The following TTN variants were observed in gnomAD, a reference collection of about 807,000 sequenced individuals.
The protein encoded by TTN is connectin.
Under a neutral mutation model 3,223.0 loss-of-function variants are expected in TTN, and 1,525 were observed. That is an observed-to-expected ratio of 0.47 (90% CI 0.45 to 0.49). The LOEUF (loss-of-function observed/expected upper bound fraction) is 0.49, where lower values mean the gene tolerates loss of function less well. Ranked by LOEUF, TTN falls within the 20% of genes least tolerant of loss-of-function variation. The pLI, the probability that TTN is intolerant of heterozygous loss-of-function variation, is 0.00. For synonymous variants in TTN, 14,094 were observed against 15,161.0 expected (o/e 0.93, Z 5.17); for missense variants, 40,786 against 43,424.0 (o/e 0.94, Z 5.40).
In TTN at chr2:178,571,464, C is replaced by T; in HGVS notation, c.74668G>A (p.Gly24890Arg). The T allele has an allele frequency of 1.2e-6, 2 of 1,613,384 alleles. No homozygotes were observed. Among genetic ancestry groups the T allele is most frequent in the East Asian group, 2.2e-5 (1 of 44,714 alleles). ...TCTGAATTGAGGTAGGTACTCTTCC[C>T]ATATCTGTTTTCAGCTGCAATTCTA... ...QFRIAAENRY[G>R]KSTYLNSEPT... is the part of the protein sequence containing the mutation. Residue 24890 changes from glycine to arginine, a missense_variant, in exon 326 of 363, where the codon GGG becomes AGG. Gly to Arg is a moderately radical substitution (Grantham distance 125). Transcript: ENST00000589042.
Position 178,621,897 on chromosome 2 carries a change from C to T in TTN, c.45025G>A (p.Ala15009Thr), listed in dbSNP as rs1196708589. The change falls in exon 244 of 363, where the codon GCT becomes ACT. Residue 15009 changes from alanine to threonine, a missense_variant. Transcript: ENST00000589042. ...GTCCTTACTTCACAGGAATATTCAG[C>T]TTCATCATCCAGTAGACATTTGTTG... ...VINKCLLDDEAEYSCEVRTAR... is the reference protein window; with the variant it reads ...VINKCLLDDETEYSCEVRTAR... 6.2e-7 allele frequency: 1 copy of T among 1,612,118 alleles called. No individual in the cohort carries two copies. The highest frequency in any genetic ancestry group is 1.1e-5 in the South Asian group (1 of 91,024).
At chr2:178,664,981 G>A (rs1423819849) in intron 165 of TTN, 55 bp from the exon 166 acceptor site, 4 of 1,535,216 alleles carry the variant, frequency 2.6e-6, no homozygotes, top group East Asian at 4.7e-5. Flanking sequence ...ATGGAAAACA[G>A]TAACCACAAT....
In TTN at chr2:178,531,049, G is replaced by C; in HGVS notation, c.105566C>G (p.Ser35189Cys). The change falls in exon 358 of 363, where the codon TCT (serine) becomes TGT (cysteine). Residue 35189 changes from serine to cysteine, a missense_variant. Transcript: ENST00000589042. ...TTKYKSTFEI[S>C]SVQASDEGNY... ...GCCCTCATCGGAAGCCTGGACTGAA[G>C]AGATCTCAAAGGTTGATTTGTACTT... 1.2e-6 allele frequency: 2 copies of C among 1,613,996 alleles called. No homozygotes were observed. Among genetic ancestry groups the C allele is most frequent in the Non-Finnish European group, 1.7e-6 (2 of 1,179,886 alleles).
intron 250 of TTN, chr2:178,619,132 A>G: frequency 2.2e-6 from 1 of 462,906 alleles, no homozygotes; most frequent in Non-Finnish European, 3.8e-6. Flanking sequence ...GTGTAGTGCA[A>G]AACATGTTTT....
At position 178,570,028 on chromosome 2, in the gene TTN, T is replaced by C; in HGVS notation, c.76104A>G (p.Gly25368=). ...LIGELRLRVT[G]LIENHDYEFR... ...ACTCATAATCGTGATTTTCTATGAGTCCAGTTACTCTCAGGCGCAACTCTC... is the reference window on the plus strand; with the variant it reads ...ACTCATAATCGTGATTTTCTATGAGCCCAGTTACTCTCAGGCGCAACTCTC... Residue 25368 remains glycine (G), a synonymous_variant, in exon 326 of 363, where the codon GGA becomes GGG. Coordinates refer to ENST00000589042, the MANE Select transcript of TTN (RefSeq NM_001267550.2). 1 of 1,613,262 alleles carries C rather than the reference T, an allele frequency of 6.2e-7. No individual in the cohort carries two copies. Among genetic ancestry groups the C allele is most frequent in the Non-Finnish European group, 8.5e-7 (1 of 1,179,548 alleles).
At chr2:178,746,969 G>A in intron 47 of TTN, 1 of 1,613,424 alleles carries the variant, frequency 6.2e-7, no homozygotes, top group Non-Finnish European at 8.5e-7. Context: ...ATGCTCATTT[G>A]GTGTACCGTC....
At position 178,757,768 on chromosome 2, in the gene TTN, AAATCTGACTGTC is replaced by A. The variant is rs2087760031; in HGVS notation, c.10440_10451del (p.Glu3480_Phe3484delinsAsp). The A allele has an allele frequency of 6.2e-7, 1 of 1,613,632 alleles. No homozygotes were observed. The highest frequency in any genetic ancestry group is 1.3e-5 in the African/African-American group (1 of 74,906). On this transcript the variant is annotated inframe_deletion, in exon 45 of 363. Coordinates refer to ENST00000589042, the MANE Select transcript of TTN (RefSeq NM_001267550.2). ...TGGGAATGCCAGAAACCCTCGCATGAAATCTGACTGTCTCCCCGTTGTGCACCCTGAGGCTTG... is the reference window on the plus strand; with the variant it reads ...TGGGAATGCCAGAAACCCTCGCATGATCCCCGTTGTGCACCCTGAGGCTTG...
Position 178,591,747 on chromosome 2 carries a change from C to T in TTN, c.60072G>A (p.Trp20024Ter). The T allele has an allele frequency of 1.2e-6, 2 of 1,613,286 alleles. No homozygotes were observed. Among genetic ancestry groups the T allele is most frequent in the East Asian group, 2.2e-5 (1 of 44,738 alleles). The stretch of plus-strand genomic sequence containing the variant: ...AGTTTGTCACAGTCTTAAATTTAAT[C>T]CAGTCCTGGGTGCCTTCTTCTTGAT... ...VEYQEEGTQD[W>*]IKFKTVTNLE... is the part of the protein sequence containing the mutation. The change falls in exon 303 of 363, where the codon TGG becomes TGA. Residue 20024 changes from tryptophan (W) to a stop codon, truncating the protein, a stop_gained. Coordinates refer to ENST00000589042, the MANE Select transcript of TTN (RefSeq NM_001267550.2). LOFTEE classifies it high-confidence loss of function.
intron 88 of TTN, among the ~76,000 whole-genome samples, chr2:178,716,536 G>C (rs368027091): frequency 1.4e-4 from 21 of 152,092 alleles, no homozygotes; most frequent in African/African-American, 4.3e-4. Flanking sequence ...CAGTAGCAGC[G>C]ATAAACATGT....
At position 178,528,024 on chromosome 2, in the gene TTN, G is replaced by A. The variant is rs558078011; in HGVS notation, c.107377+250C>T. 7.1e-5 allele frequency: 39 copies of A among 551,592 alleles called. No homozygotes were observed. The East Asian group carries it at 1.1e-3, about 16-fold the overall frequency. 34.2% of individuals were successfully genotyped at this position (551,592 alleles called of 1,614,324 possible). Reference sequence around the variant, plus strand: ...ATGATTAGTCATATAGAAAGTAATTGACATATTGTGCATCCTGCAAATAAA... The same window carrying A: ...ATGATTAGTCATATAGAAAGTAATTAACATATTGTGCATCCTGCAAATAAA... On this transcript the variant is annotated intron_variant, in intron 361 of 362. Transcript: ENST00000589042.
At chr2:178,551,391 A>C in intron 335 of TTN, 131 bp from the exon 336 acceptor site, 1 of 759,566 alleles carries the variant, frequency 1.3e-6, no homozygotes, top group Non-Finnish European at 1.8e-6. Context: ...TAATTTATTC[A>C]ATCTCCCAAA....
rs1184443568 is a variant in TTN at position 178,598,990 on chromosome 2, T to C, written c.56720A>G (p.Glu18907Gly). The C allele has an allele frequency of 1.8e-5, 29 of 1,611,272 alleles. No individual in the cohort carries two copies. Among genetic ancestry groups the C allele is most frequent in the Non-Finnish European group, 2.5e-5 (29 of 1,178,724 alleles). Residue 18907 changes from glutamate to glycine, a missense_variant, in exon 291 of 363, where the codon GAG (glutamate) becomes GGG (glycine). Transcript: ENST00000589042. Reference sequence around the variant, plus strand: ...AGGAGAGCCTCCATCATATTCTGGCTCTTCCCAGTTGACAGTCATGGAGTT... The same window carrying C: ...AGGAGAGCCTCCATCATATTCTGGCCCTTCCCAGTTGACAGTCATGGAGTT... ...TRNSMTVNWE[E>G]PEYDGGSPVT...
rs1198504900 is a variant in TTN, at chr2:178,720,928, T to C, written c.23091A>G (p.Thr7697=). ...AAGCTTAGTGTGTCTAACCTTTCAC[T>C]GTCAACGCTGTGCTGCAGCTGGCGT... ...VGDASCSTAL[T]VKAPPVFTQK... The change falls in exon 79 of 363, where the codon ACA becomes ACG. Residue 7697 remains threonine, a synonymous_variant. Transcript: ENST00000589042. 9 of 1,588,466 alleles carry C rather than the reference T, an allele frequency of 5.7e-6. No homozygotes were observed. The Admixed American group carries it at 1.5e-4, about 27-fold the overall frequency.
chr2:178,554,370 GAAAATT>G, intron 332 of TTN, 77 bp downstream of exon 332: 2 of 1,482,916 alleles, frequency 1.3e-6, no homozygotes, highest in Non-Finnish European at 1.8e-6. Context: ...TTATATAAAA[GAAAATT>G]AAAGCATATG....
chr2:178,692,502 G>C lies in TTN; in HGVS notation c.31673C>G (p.Pro10558Arg). The C allele has an allele frequency of 6.3e-7, 1 of 1,577,440 alleles. No homozygotes were observed. The highest frequency in any genetic ancestry group is 1.8e-5 in the Admixed American group (1 of 54,612). ...TTTCACAAATATTATTCTACCTTTT[G>C]GTGCTGGGGGCTCCACTTTTTTAGG... ...PIPKKVEPPA[P>R]KVPEVPKKPV... Residue 10558 changes from proline to arginine, a missense_variant, in exon 120 of 363, where the codon CCA becomes CGA. By Grantham distance (103) the Pro-to-Arg change is moderately radical (BLOSUM62 -2). Transcript: ENST00000589042.
chr2:178,746,667 T>C (rs750095582), intron 47 of TTN: 2 of 1,613,344 alleles, frequency 1.2e-6, no homozygotes, highest in Non-Finnish European at 8.5e-7. Flanking sequence ...CCTTTTTGAA[T>C]GTTAGAAATT....
rs1317248157 is a variant in TTN at position 178,681,075 on chromosome 2, A to G, written c.33340+4T>C. 1 of 1,596,288 alleles carries G rather than the reference A, an allele frequency of 6.3e-7. No homozygotes were observed. The stretch of plus-strand genomic sequence containing the variant: ...ATCACAATCGAGGAAGGAAATCATT[A>G]TACCTTTAGCAGCGGGTTCAGTCAC... On this transcript the variant is annotated splice_donor_region_variant and intron_variant, in intron 138 of 362. Transcript: ENST00000589042.
rs552843041 is a variant in TTN at position 178,804,490 on chromosome 2, C to T, written c.91+62G>A. On this transcript the variant is annotated intron_variant, in intron 2 of 362. Transcript: ENST00000589042. Reference sequence around the variant, plus strand: ...AACTTGGCGTCAAGTCCTGCAGCAACGTTAACTTACTGGAGAGGAGGCAAA... The same window carrying T: ...AACTTGGCGTCAAGTCCTGCAGCAATGTTAACTTACTGGAGAGGAGGCAAA... 4.2e-5 allele frequency: 64 copies of T among 1,534,902 alleles called. No homozygotes were observed. The East Asian group carries it at 8.4e-4, about 20-fold the overall frequency.
In TTN at chr2:178,529,192, A is replaced by T; in HGVS notation, c.106559T>A (p.Val35520Asp). ...KAIKDTEAQKVSTQKTSEITP... is the reference protein window; with the variant it reads ...KAIKDTEAQKDSTQKTSEITP... ...AATTTCAGAAGTCTTTTGTGTAGAG[A>T]CTTTCTGTGCCTCAGTATCTTTTAT... Residue 35520 changes from valine (V) to aspartate (D), a missense_variant, in exon 360 of 363, where the codon GTC becomes GAC. Coordinates refer to ENST00000589042, the MANE Select transcript of TTN (RefSeq NM_001267550.2). 6.6e-7 allele frequency: 1 copy of T among 1,508,908 alleles called. No homozygotes were observed. Among genetic ancestry groups the T allele is most frequent in the South Asian group, 1.4e-5 (1 of 73,448 alleles). The allele number at this position is 1,508,908 out of a possible 1,614,324, so 93.5% of individuals were successfully genotyped here. A position where few individuals can be genotyped will look rare whatever the true frequency, so the allele number is the denominator to read the frequency against.
Sources: allele counts gnomAD v4.1 joint callset (sites outside exome capture counted in the v4.1 genomes callset), GRCh38; gene constraint gnomAD v4.1.1; transcripts MANE v1.5; gene names NCBI Gene and HGNC (gene_info 2026-07-23, HGNC 2026-07-21).